The following TRHDE variants were observed in gnomAD, a reference collection of about 807,000 sequenced individuals.
TRHDE encodes the protein thyrotropin releasing hormone degrading enzyme.
In TRHDE, 72 loss-of-function variants were observed where a neutral mutation model predicts 125.7. That is an observed-to-expected ratio of 0.57 (90% CI 0.47 to 0.70). TRHDE has a LOEUF of 0.70. TRHDE is among the 30% of genes least tolerant of loss of function. The pLI, the probability that TRHDE is intolerant of heterozygous loss-of-function variation, is 0.00. For missense variants in TRHDE, 1,110 were observed against 1,327.1 expected, an observed-to-expected ratio of 0.84 and a Z score of 2.54; for synonymous variants, 509 against 509.1, an observed-to-expected ratio of 1.00 and a Z score of 0.00.
chr12:72,313,606 CTT>C (rs1868651505), intron 2 of TRHDE, among the ~76,000 whole-genome samples: 1 of 152,078 alleles, frequency 6.6e-6, no homozygotes. Flanking sequence ...GCTAGAACAT[CTT>C]TATTTTTAAG....
Position 72,334,950 on chromosome 12 carries a change from C to T in TRHDE, c.1189-43045C>T, listed in dbSNP as rs183613792. Reference sequence around the variant, plus strand: ...GTGGATATAAAAGGAATAGGATCTTCGTCACTTTTAAGTTCGCAGGCAAAT... The same window carrying T: ...GTGGATATAAAAGGAATAGGATCTTTGTCACTTTTAAGTTCGCAGGCAAAT... On this transcript the variant is annotated intron_variant, in intron 2 of 18. Coordinates refer to ENST00000261180, the MANE Select transcript of TRHDE (RefSeq NM_013381.3). Among the ~76,000 whole-genome samples, 86 of 152,208 alleles carry T rather than the reference C, an allele frequency of 5.7e-4. 1 individual carries two copies. Among genetic ancestry groups the T allele is most frequent in the African/African-American group, 1.6e-3 (68 of 41,528 alleles).
At chr12:72,129,664 C>T (rs1183987641) in intron 2 of TRHDE, among the ~76,000 whole-genome samples, 1 of 152,164 alleles carries the variant, frequency 6.6e-6, no homozygotes, top group Non-Finnish European at 1.5e-5. Context: ...CTGTCCAACA[C>T]AGCACTACAG....
At chr12:72,425,279 A>G (rs1032811388) in intron 3 of TRHDE, among the ~76,000 whole-genome samples, 37 of 152,238 alleles carry the variant, frequency 2.4e-4, no homozygotes, top group African/African-American at 8.7e-4. Context: ...GTTTGGTTCC[A>G]TTTCTATAGC....
chr12:72,427,121 T>G (rs1565737058), intron 3 of TRHDE, among the ~76,000 whole-genome samples: 1 of 152,120 alleles, frequency 6.6e-6, no homozygotes, highest in Non-Finnish European at 1.5e-5. Context: ...AACTATGCTG[T>G]TGTAGCCTGA....
intron 2 of TRHDE, among the ~76,000 whole-genome samples, chr12:72,148,949 T>G (rs1876290329): frequency 6.6e-6 from 1 of 152,192 alleles, no homozygotes. Flanking sequence ...ACAGTGTGTA[T>G]GCTCAAACGA....
intron 12 of TRHDE, among the ~76,000 whole-genome samples, chr12:72,608,918 TG>T (rs1318303713): frequency 1.3e-5 from 2 of 152,202 alleles, no homozygotes; most frequent in Admixed American, 6.5e-5. Flanking sequence ...AATATGAACC[TG>T]GGGGGGTTAG....
intron 2 of TRHDE, among the ~76,000 whole-genome samples, chr12:72,156,256 A>G (rs555765209): frequency 1.3e-5 from 2 of 152,192 alleles, no homozygotes; most frequent in Non-Finnish European, 2.9e-5. Context: ...GCACAGTATT[A>G]GGGTGGGAGT....
chr12:72,318,893 T>G (rs550625738), intron 2 of TRHDE, among the ~76,000 whole-genome samples: 2 of 151,974 alleles, frequency 1.3e-5, no homozygotes, highest in South Asian at 2.1e-4. Context: ...AGGGTACCCA[T>G]GAGAAAGGAA....
intron 2 of TRHDE, among the ~76,000 whole-genome samples, chr12:72,238,199 T>C: frequency 7.0e-6 from 1 of 142,950 alleles, no homozygotes; most frequent in East Asian, 2.1e-4. Context: ...TCGTAATAAG[T>C]TAGGTGAGAA....
At chr12:72,410,869 A>AT (rs1555183971) in intron 3 of TRHDE, among the ~76,000 whole-genome samples, 3 of 147,158 alleles carry the variant, frequency 2.0e-5, no homozygotes, top group South Asian at 2.2e-4. Context: ...AGATAAGCAG[A>AT]TAAAAAAAAA....
intron 2 of TRHDE, among the ~76,000 whole-genome samples, chr12:72,217,542 T>A (rs573126824): frequency 6.6e-6 from 1 of 152,306 alleles, no homozygotes; most frequent in South Asian, 2.1e-4. Context: ...GTCAGTTAGA[T>A]GGTCTCTGTA....
rs1424159933 is a variant in TRHDE, at chr12:72,358,179, G to T, written c.1189-19816G>T. ...GATGACCACTTTATTGAAGAGTTTA[G>T]AGAAATAGCAGAATACAGTTGACTC... On this transcript the variant is annotated intron_variant, in intron 2 of 18. Transcript: ENST00000261180. 2.0e-5 allele frequency among the ~76,000 whole-genome samples: 3 copies of T among 151,458 alleles called. No homozygotes were observed. In the Admixed American group the frequency reaches 2.0e-4, roughly 10 times the overall value.
At chr12:72,463,518 T>C (rs1457559531) in intron 3 of TRHDE, among the ~76,000 whole-genome samples, 1 of 152,168 alleles carries the variant, frequency 6.6e-6, no homozygotes, top group Non-Finnish European at 1.5e-5. Context: ...AGTAGGACAA[T>C]TGATAACTAT....
intron 3 of TRHDE, among the ~76,000 whole-genome samples, chr12:72,413,177 G>C (rs1318621756): frequency 6.6e-6 from 1 of 151,950 alleles, no homozygotes; most frequent in Non-Finnish European, 1.5e-5. Context: ...AAGTGTCAGT[G>C]TTACTTTGCT....
chr12:72,456,523 T>A lies in TRHDE; in HGVS notation c.1316-13235T>A, dbSNP rs1277550048. 2.0e-5 allele frequency among the ~76,000 whole-genome samples: 3 copies of A among 152,154 alleles called. No homozygotes were observed. In the South Asian group the frequency reaches 6.2e-4, roughly 32 times the overall value. ...CAAATAATGAGGAAGGTTATCATTT[T>A]CTTCATGGTAGTCTCCTGTTGCAAG... is the stretch of plus-strand genomic sequence containing the variant. On this transcript the variant is annotated intron_variant, in intron 3 of 18. Transcript: ENST00000261180.
At chr12:72,480,211 A>G (rs1398989943) in intron 5 of TRHDE, among the ~76,000 whole-genome samples, 2 of 151,226 alleles carry the variant, frequency 1.3e-5, no homozygotes, top group Admixed American at 6.6e-5. Context: ...TGGTATTTCT[A>G]GTTCTAGATC....
At chr12:72,333,924 T>A (rs1869717719) in intron 2 of TRHDE, among the ~76,000 whole-genome samples, 1 of 152,218 alleles carries the variant, frequency 6.6e-6, no homozygotes. Context: ...AGAGAAGTGA[T>A]GTTTTATGGT....
At chr12:72,093,326 T>G (rs1874835465) in intron 1 of TRHDE, among the ~76,000 whole-genome samples, 1 of 152,232 alleles carries the variant, frequency 6.6e-6, no homozygotes, top group African/African-American at 2.4e-5. Context: ...AATACTGCTT[T>G]GAGTCCTTTG....
intron 2 of TRHDE, among the ~76,000 whole-genome samples, chr12:72,180,946 T>G (rs965717003): frequency 1.3e-5 from 2 of 152,204 alleles, no homozygotes; most frequent in African/African-American, 4.8e-5. Flanking sequence ...AAACTTTATT[T>G]AGGTCTCTTT....
Sources: gnomAD v4.1 joint callset for allele counts (sites outside exome capture counted in the v4.1 genomes callset) on GRCh38, gnomAD v4.1.1 for gene constraint, MANE v1.5 for transcripts, NCBI Gene and HGNC (gene_info 2026-07-23, HGNC 2026-07-21) for gene names.